TENM2: variants seen among roughly 807,000 people sequenced by gnomAD.
TENM2 encodes the protein teneurin-2.
A neutral mutation model predicts 245.2 loss-of-function variants in TENM2; 52 were observed. The observed-to-expected ratio is 0.21, with a 90% CI of 0.17 to 0.27. TENM2 has a LOEUF of 0.27. TENM2 is among the 10% of genes least tolerant of loss of function. TENM2 has a pLI of 1.00. For missense variants in TENM2, 3,046 were observed against 3,666.8 expected, an observed-to-expected ratio of 0.83 and a Z score of 4.37; for synonymous variants, 1,363 against 1,438.9, an observed-to-expected ratio of 0.95 and a Z score of 1.19.
intron 1 of TENM2, among the ~76,000 whole-genome samples, chr5:167,315,319 T>C (rs1016733636): frequency 6.6e-6 from 1 of 152,186 alleles, no homozygotes; most frequent in African/African-American, 2.4e-5. Context: ...TGGTATCATA[T>C]GTTTGTTAAC....
At chr5:167,084,948 G>A in the TENM2 span, among the ~76,000 whole-genome samples, 6 of 152,038 alleles carry the variant, frequency 3.9e-5, no homozygotes, top group African/African-American at 1.4e-4. Context: ...TAACATTAGG[G>A]CCCTAGTACA....
chr5:167,138,210 G>A, the TENM2 span, among the ~76,000 whole-genome samples: 5 of 152,178 alleles, frequency 3.3e-5, no homozygotes, highest in African/African-American at 9.7e-5. Context: ...AGTGTTTACC[G>A]ATGAAATAAT....
intron 2 of TENM2, among the ~76,000 whole-genome samples, chr5:167,496,641 A>G (rs1210194717): frequency 1.3e-5 from 2 of 152,250 alleles, no homozygotes; most frequent in African/African-American, 2.4e-5. Flanking sequence ...ATAGAATTCA[A>G]TTGAGAGATG....
intron 2 of TENM2, among the ~76,000 whole-genome samples, chr5:167,788,776 T>A (rs1025811223): frequency 1.3e-5 from 2 of 152,208 alleles, no homozygotes; most frequent in Non-Finnish European, 2.9e-5. Flanking sequence ...CTTCCTTAGA[T>A]CATCAGCTTC....
At chr5:168,093,498 G>C (rs1450266228) in intron 8 of TENM2, among the ~76,000 whole-genome samples, 1 of 152,210 alleles carries the variant, frequency 6.6e-6, no homozygotes, top group East Asian at 1.9e-4. Context: ...AGAGCAGCCA[G>C]GAGTGCTGTA....
intron 2 of TENM2, among the ~76,000 whole-genome samples, chr5:167,500,950 A>G (rs1307377431): frequency 6.6e-6 from 1 of 152,118 alleles, no homozygotes; most frequent in Non-Finnish European, 1.5e-5. Flanking sequence ...CTTTAGCTTT[A>G]AAATCTTTAG....
chr5:168,047,036 C>G (rs1284795594), intron 5 of TENM2, among the ~76,000 whole-genome samples: 1 of 152,140 alleles, frequency 6.6e-6, no homozygotes, highest in Non-Finnish European at 1.5e-5. Context: ...GTCAATGCCC[C>G]TAGACTAACA....
intron 5 of TENM2, among the ~76,000 whole-genome samples, chr5:168,016,645 G>A (rs1381774575): frequency 6.6e-6 from 1 of 152,142 alleles, no homozygotes; most frequent in Non-Finnish European, 1.5e-5. Flanking sequence ...CCTCGTATGA[G>A]CAGTGAAATC....
At chr5:167,745,534 C>T (rs967615527) in intron 2 of TENM2, among the ~76,000 whole-genome samples, 1 of 152,178 alleles carries the variant, frequency 6.6e-6, no homozygotes, top group Non-Finnish European at 1.5e-5. Flanking sequence ...ATTCACATAC[C>T]ATAAAATCCA....
At chr5:167,650,212 C>A (rs73803920) in intron 2 of TENM2, among the ~76,000 whole-genome samples, 6,568 of 152,224 alleles carry the variant, frequency 0.043, 504 homozygotes, top group African/African-American at 0.15. Context: ...TTCCACTTTG[C>A]TTTGACTTTC....
At chr5:167,609,488 CAAAAA>C (rs5873049) in intron 2 of TENM2, among the ~76,000 whole-genome samples, 9 of 36,688 alleles carry the variant, frequency 2.5e-4, no homozygotes, top group African/African-American at 8.9e-4. Flanking sequence ...CCTGATGATG[CAAAAA>C]AAAAAAAAAA....
intron 2 of TENM2, among the ~76,000 whole-genome samples, chr5:167,636,184 AAAT>A (rs1312000349): frequency 2.6e-5 from 4 of 152,198 alleles, no homozygotes; most frequent in African/African-American, 7.2e-5. Context: ...TTCTATAAAG[AAAT>A]AATAAATCTT....
intron 2 of TENM2, among the ~76,000 whole-genome samples, chr5:167,467,755 A>T (rs1370633493): frequency 6.6e-6 from 1 of 152,184 alleles, no homozygotes; most frequent in Non-Finnish European, 1.5e-5. Context: ...AGGTTAGTCT[A>T]CTAGCCCTGC....
At chr5:167,025,615 T>C in the TENM2 span, among the ~76,000 whole-genome samples, 1 of 152,172 alleles carries the variant, frequency 6.6e-6, no homozygotes, top group South Asian at 2.1e-4. Context: ...TACTTTCCAG[T>C]ATCACAGAAT....
chr5:167,543,814 G>A (rs1772376764), intron 2 of TENM2, among the ~76,000 whole-genome samples: 1 of 152,122 alleles, frequency 6.6e-6, no homozygotes, highest in African/African-American at 2.4e-5. Flanking sequence ...CCAAGCTGTA[G>A]CTCTTGTGTC....
the TENM2 span, among the ~76,000 whole-genome samples, chr5:167,190,534 G>A: frequency 6.6e-6 from 1 of 152,034 alleles, no homozygotes; most frequent in African/African-American, 2.4e-5. Context: ...GCTGGAATCT[G>A]TATTTTGCTT....
intron 2 of TENM2, among the ~76,000 whole-genome samples, chr5:167,380,749 G>A (rs750012450): frequency 3.3e-5 from 5 of 152,108 alleles, no homozygotes; most frequent in Non-Finnish European, 7.4e-5. Flanking sequence ...AAGCTGCTGA[G>A]TTCCTGATAT....
chr5:167,304,907 GAC>G (rs1755578105), intron 1 of TENM2, among the ~76,000 whole-genome samples: 1 of 152,168 alleles, frequency 6.6e-6, no homozygotes, highest in Non-Finnish European at 1.5e-5. Context: ...TTCCTTGAAA[GAC>G]AGTGCCTCAC....
chr5:167,445,520 T>C (rs918688168), intron 2 of TENM2, among the ~76,000 whole-genome samples: 1 of 152,082 alleles, frequency 6.6e-6, no homozygotes, highest in African/African-American at 2.4e-5. Context: ...TGCAAAGTTA[T>C]AGACTATGAG....
Sources: gnomAD v4.1 joint callset for allele counts (sites outside exome capture counted in the v4.1 genomes callset) on GRCh38, gnomAD v4.1.1 for gene constraint, MANE v1.5 for transcripts, NCBI Gene and HGNC (gene_info 2026-07-23, HGNC 2026-07-21) for gene names.